The following BRI3 variants were observed in gnomAD, a reference collection of about 807,000 sequenced individuals.
The protein encoded by BRI3 is brain protein I3.
Under a neutral mutation model 12.8 loss-of-function variants are expected in BRI3, and 6 were observed. The ratio of observed to expected loss-of-function variants is 0.47; its 90% CI spans 0.26 to 0.93. The LOEUF is 0.93. Ranked by LOEUF, BRI3 falls within the 40% of genes least tolerant of loss-of-function variation. The pLI is 0.15. For synonymous variants in BRI3, 91 were observed against 76.1 expected (o/e 1.20, Z -1.02); for missense variants, 134 against 171.1 (o/e 0.78, Z 1.21).
chr7:98,304,492 G>A (rs909414900), upstream of BRI3: 6 of 987,522 alleles, frequency 6.1e-6, no homozygotes, highest in African/African-American at 8.2e-5. Context: ...ATCAAAACCT[G>A]ATCTTGATCT....
chr7:98,315,322 T>C (rs776660165), downstream of BRI3: 8 of 700,714 alleles, frequency 1.1e-5, no homozygotes, highest in Non-Finnish European at 1.6e-5. Flanking sequence ...GAGACAGAGT[T>C]TTGCCATGTT....
upstream of BRI3, among the ~76,000 whole-genome samples, chr7:98,303,874 C>T (rs1800526860): frequency 2.0e-5 from 3 of 152,166 alleles, no homozygotes. Flanking sequence ...AATGGTGATT[C>T]AATGGCTAGA....
chr7:98,289,430 G>A (rs1204568769), intron 2 of BRI3, among the ~76,000 whole-genome samples: 1 of 152,240 alleles, frequency 6.6e-6, no homozygotes, highest in Admixed American at 6.5e-5. Context: ...CCAGGAAGCA[G>A]CTGGAAACAT....
chr7:98,312,342 G>A (rs189961229), downstream of BRI3: 5,343 of 1,436,696 alleles, frequency 3.7e-3, 8 homozygotes, highest in Non-Finnish European at 4.5e-3. Flanking sequence ...ACGTCATATC[G>A]CTGATAACAG....
the BRI3 span, among the ~76,000 whole-genome samples, chr7:98,316,151 C>A: frequency 1.3e-5 from 2 of 152,124 alleles, no homozygotes; most frequent in South Asian, 4.1e-4. Context: ...AAGGGAGTTT[C>A]CCTGCACAAG....
At chr7:98,293,262 T>G (rs1019417757), downstream of BRI3, 13 of 389,390 alleles carry the variant, frequency 3.3e-5, no homozygotes, top group African/African-American at 2.2e-4. Flanking sequence ...AAACCAAGTT[T>G]ACTGTTTCTT....
downstream of BRI3, among the ~76,000 whole-genome samples, chr7:98,295,386 C>T (rs1016550263): frequency 1.3e-5 from 2 of 152,216 alleles, no homozygotes; most frequent in Non-Finnish European, 2.9e-5. Context: ...CTGCCTTGCA[C>T]ATCCTACAGG....
chr7:98,296,421 T>A (rs970177864), downstream of BRI3, among the ~76,000 whole-genome samples: 3 of 151,884 alleles, frequency 2.0e-5, no homozygotes, highest in African/African-American at 7.3e-5. Context: ...AGGTCGGGAG[T>A]TCGAGACCAG....
At chr7:98,289,115 G>A (rs1443802651) in intron 2 of BRI3, among the ~76,000 whole-genome samples, 1 of 152,074 alleles carries the variant, frequency 6.6e-6, no homozygotes, top group South Asian at 2.1e-4. Context: ...CCACCACTAC[G>A]CCCAGCTAAT....
In BRI3 at chr7:98,286,756, G is replaced by A. The variant is rs1799722481; in HGVS notation, c.245+4303G>A. 2.6e-5 allele frequency among the ~76,000 whole-genome samples: 4 copies of A among 152,194 alleles called. No homozygotes were observed. In the South Asian group the frequency reaches 8.3e-4, roughly 31 times the overall value. On this transcript the variant is annotated intron_variant, in intron 2 of 2. Coordinates refer to ENST00000297290, the MANE Select transcript of BRI3 (RefSeq NM_015379.5). ...GCCAACACTCCTTTTGAGGTCTAGG[G>A]CAGTACTGCAGTTAAAACTTTAATA... is the stretch of plus-strand genomic sequence containing the variant.
chr7:98,295,486 A>G (rs1476770487), downstream of BRI3, among the ~76,000 whole-genome samples: 3 of 152,212 alleles, frequency 2.0e-5, no homozygotes, highest in Non-Finnish European at 2.9e-5. Context: ...TGTGAGGTGC[A>G]TGCTCTGCGA....
At chr7:98,283,555 G>A (rs527726906) in intron 2 of BRI3, among the ~76,000 whole-genome samples, 4 of 152,188 alleles carry the variant, frequency 2.6e-5, no homozygotes, top group African/African-American at 7.2e-5. Flanking sequence ...AGGGTGGGGC[G>A]CTGGCTGCCT....
At position 98,291,335 on chromosome 7, in the gene BRI3, C is replaced by A; in HGVS notation, c.*92C>A. 2 of 1,565,622 alleles carry A rather than the reference C, an allele frequency of 1.3e-6. No individual in the cohort carries two copies. The highest frequency in any genetic ancestry group is 1.7e-6 in the Non-Finnish European group (2 of 1,154,310). ...AATTTTATTTGATTAAGCTTCAGGA[C>A]TGTTTTGTAAAGCGAGGTGGGACCG... On this transcript the variant is annotated 3_prime_UTR_variant, in exon 3 of 3. Transcript: ENST00000297290.
At chr7:98,304,995 AG>A (rs1338304329), upstream of BRI3, among the ~76,000 whole-genome samples, 5 of 146,862 alleles carry the variant, frequency 3.4e-5, no homozygotes, top group Admixed American at 6.9e-5. Context: ...CCTCCCAAGT[AG>A]CCGGGATTAC....
At chr7:98,310,295 C>G in exon 2 of BRI3, 1 of 749,612 alleles carries the variant, frequency 1.3e-6, no homozygotes, top group Non-Finnish European at 2.1e-6. Flanking sequence ...TCTGAACTCA[C>G]GCTCTGCAAA....
exon 2 of BRI3, chr7:98,307,970 C>G (rs780981619): frequency 7.2e-7 from 1 of 1,384,176 alleles, no homozygotes. Flanking sequence ...TGAGCAAACC[C>G]CAGGAATCCA....
downstream of BRI3, chr7:98,294,055 C>T (rs1253107904): frequency 6.2e-6 from 10 of 1,613,070 alleles, no homozygotes; most frequent in East Asian, 1.1e-4. Flanking sequence ...CTGAGGCTCA[C>T]GTAGGAAGCC....
chr7:98,297,309 C>T (rs1215414374), downstream of BRI3, among the ~76,000 whole-genome samples: 5 of 152,246 alleles, frequency 3.3e-5, no homozygotes, highest in Non-Finnish European at 7.3e-5. Flanking sequence ...AGGGTGCCCA[C>T]CACATAGCCA....
intron 2 of BRI3, among the ~76,000 whole-genome samples, chr7:98,285,086 C>T (rs571033257): frequency 6.6e-6 from 1 of 152,310 alleles, no homozygotes; most frequent in East Asian, 1.9e-4. Flanking sequence ...CCCATGAGTA[C>T]TGGCTGGGCT....
Sources: allele counts gnomAD v4.1 joint callset (sites outside exome capture counted in the v4.1 genomes callset), GRCh38; gene constraint gnomAD v4.1.1; transcripts MANE v1.5; gene names NCBI Gene and HGNC (gene_info 2026-07-23, HGNC 2026-07-21).